Variants in RMP24 observed in about 807,000 individuals in gnomAD.
The protein encoded by RMP24 is ribonuclease MRP subunit p24, also known as ribonuclease MRP protein subunit p24.
the RMP24 span, chr18:35,973,329 A>G: frequency 3.7e-6 from 1 of 266,808 alleles, no homozygotes; most frequent in Non-Finnish European, 7.4e-6. Context: ...AATACCATAT[A>G]CTGAGGACTT....
the RMP24 span, among the ~76,000 whole-genome samples, chr18:35,977,098 G>A: frequency 3.6e-4 from 55 of 152,124 alleles, no homozygotes; most frequent in African/African-American, 1.3e-3. Context: ...AGTGGAAGGC[G>A]CCTGGTCTCA....
At chr18:35,972,696 T>TCCCGCGGCGAG in the RMP24 span, 1 of 1,582,706 alleles carries the variant, frequency 6.3e-7, no homozygotes, top group Non-Finnish European at 8.6e-7. Context: ...CTCACCTGGT[T>TCCCGCGGCGAG]CCCGCGGCGA....
chr18:35,979,010 A>G, the RMP24 span: 1 of 1,567,272 alleles, frequency 6.4e-7, no homozygotes, highest in Non-Finnish European at 8.6e-7. Flanking sequence ...AAAATAAGAA[A>G]TGCCTGATGT....
chr18:35,979,180 A>G, the RMP24 span: 27 of 564,810 alleles, frequency 4.8e-5, no homozygotes, highest in Non-Finnish European at 6.4e-5. Flanking sequence ...CCTACCTCAT[A>G]GGACAGCTGT....
At chr18:35,977,087 C>CAGT in the RMP24 span, among the ~76,000 whole-genome samples, 1 of 152,062 alleles carries the variant, frequency 6.6e-6, no homozygotes, top group South Asian at 2.1e-4. Context: ...TAGCCAGGCA[C>CAGT]AGTGGAAGGC....
the RMP24 span, chr18:35,977,383 G>C: frequency 1.3e-6 from 2 of 1,585,040 alleles, no homozygotes; most frequent in East Asian, 2.2e-5. Flanking sequence ...TAAATGACGG[G>C]ACTGATATTT....
the RMP24 span, chr18:35,978,947 AT>A: frequency 6.2e-7 from 1 of 1,612,564 alleles, no homozygotes; most frequent in South Asian, 1.1e-5. Flanking sequence ...ATCCCAAAAG[AT>A]TCCAAAGGTG....
chr18:35,974,155 C>T, the RMP24 span, among the ~76,000 whole-genome samples: 9 of 152,166 alleles, frequency 5.9e-5, no homozygotes, highest in African/African-American at 9.7e-5. Context: ...CTCCATTTCC[C>T]TCTGGTCTCT....
the RMP24 span, among the ~76,000 whole-genome samples, chr18:35,974,511 A>T: frequency 6.6e-6 from 1 of 152,220 alleles, no homozygotes; most frequent in Admixed American, 6.5e-5. Flanking sequence ...CTAATTATTT[A>T]AAAAAAGAAA....
At chr18:35,979,169 G>T in the RMP24 span, 1 of 629,958 alleles carries the variant, frequency 1.6e-6, no homozygotes, top group Non-Finnish European at 2.6e-6. Flanking sequence ...CCTGAAACCT[G>T]CCTACCTCAT....
chr18:35,979,178 A>G, the RMP24 span: 1 of 570,670 alleles, frequency 1.8e-6, no homozygotes, highest in South Asian at 2.5e-5. Flanking sequence ...TGCCTACCTC[A>G]TAGGACAGCT....
chr18:35,976,994 G>A, the RMP24 span, among the ~76,000 whole-genome samples: 3 of 152,274 alleles, frequency 2.0e-5, no homozygotes, highest in South Asian at 2.1e-4. Flanking sequence ...TTGGGAGGCC[G>A]AGGCGGGTGG....
At chr18:35,973,386 CAT>C in the RMP24 span, 1 of 164,614 alleles carries the variant, frequency 6.1e-6, no homozygotes, top group Non-Finnish European at 1.3e-5. Flanking sequence ...ATTCTAGACT[CAT>C]ATATCCGAAT....
chr18:35,977,738 A>C, the RMP24 span: 2 of 769,630 alleles, frequency 2.6e-6, no homozygotes, highest in Non-Finnish European at 4.1e-6. Flanking sequence ...TTCTAATGTC[A>C]CATACTCCCA....
At chr18:35,972,868 CTCTT>C in the RMP24 span, 6 of 1,614,174 alleles carry the variant, frequency 3.7e-6, no homozygotes, top group Non-Finnish European at 5.1e-6. Flanking sequence ...CCTCACAAGT[CTCTT>C]TCTCTTTTAC....
chr18:35,978,079 T>G, the RMP24 span, among the ~76,000 whole-genome samples: 1 of 152,366 alleles, frequency 6.6e-6, no homozygotes, highest in South Asian at 2.1e-4. Flanking sequence ...TCCATAGTGC[T>G]GCTATATTCT....
At chr18:35,974,667 G>T in the RMP24 span, among the ~76,000 whole-genome samples, 1 of 152,198 alleles carries the variant, frequency 6.6e-6, no homozygotes, top group Non-Finnish European at 1.5e-5. Flanking sequence ...TGCTAGCATA[G>T]GTTGGAGATT....
the RMP24 span, chr18:35,979,171 C>G: frequency 1.6e-6 from 1 of 621,654 alleles, no homozygotes; most frequent in Non-Finnish European, 2.7e-6. Context: ...TGAAACCTGC[C>G]TACCTCATAG....
At chr18:35,977,769 A>G in the RMP24 span, among the ~76,000 whole-genome samples, 3 of 152,150 alleles carry the variant, frequency 2.0e-5, no homozygotes, top group East Asian at 1.9e-4. Flanking sequence ...GCTCATTTCA[A>G]TGCATTTGAC....
Sources: allele counts gnomAD v4.1 joint callset (sites outside exome capture counted in the v4.1 genomes callset), GRCh38; gene constraint gnomAD v4.1.1; transcripts MANE v1.5; gene names NCBI Gene and HGNC (gene_info 2026-07-23, HGNC 2026-07-21).